COL25A1: variants seen among roughly 807,000 people sequenced by gnomAD.
COL25A1 encodes the protein collagen type XXV alpha 1 chain.
COL25A1 carries 103 observed loss-of-function variants against 128.4 expected under a neutral mutation model. That is an observed-to-expected ratio of 0.80 (90% CI 0.68 to 0.94). COL25A1 has a LOEUF of 0.94. Ranked by LOEUF, COL25A1 falls within the 40% of genes least tolerant of loss-of-function variation. The pLI, the probability that COL25A1 is intolerant of heterozygous loss-of-function variation, is 0.00. For synonymous variants in COL25A1, 279 were observed against 277.2 expected (o/e 1.01, Z -0.06); for missense variants, 745 against 840.0 (o/e 0.89, Z 1.40).
chr4:109,181,194 T>C (rs1223878927), intron 3 of COL25A1, among the ~76,000 whole-genome samples: 4 of 152,166 alleles, frequency 2.6e-5, no homozygotes, highest in Non-Finnish European at 5.9e-5. Context: ...TCTAGAATTT[T>C]ATATGTATAT....
Position 108,913,261 on chromosome 4 carries a change from CTTTTTTTTTT to C in COL25A1, c.780+4901_780+4910del, listed in dbSNP as rs201929872. On this transcript the variant is annotated intron_variant, in intron 13 of 37. Coordinates refer to ENST00000399132, the MANE Select transcript of COL25A1 (RefSeq NM_198721.4). ...TTTGTGTGGTCTCTGTCTCTAGCTC[CTTTTTTTTTT>C]TTTTTTTTTTTTAAGACGGAGTTTT... Among the ~76,000 whole-genome samples the C allele has an allele frequency of 6.5e-5, 6 of 92,422 alleles. No individual in the cohort carries two copies. In the East Asian group the frequency reaches 3.3e-3, roughly 51 times the overall value. 60.6% of individuals were successfully genotyped at this position (92,422 alleles called of 152,430 possible). A position where few individuals can be genotyped will look rare whatever the true frequency, so the allele number is the denominator to read the frequency against.
chr4:108,959,498 C>T (rs1750432978), intron 8 of COL25A1, among the ~76,000 whole-genome samples: 1 of 152,042 alleles, frequency 6.6e-6, no homozygotes, highest in Non-Finnish European at 1.5e-5. Flanking sequence ...ATTCCTTTTC[C>T]CCACTACAAC....
intron 3 of COL25A1, among the ~76,000 whole-genome samples, chr4:109,246,016 CAAAAAA>C (rs772260651): frequency 3.0e-5 from 2 of 65,670 alleles, no homozygotes; most frequent in African/African-American, 5.0e-5. Flanking sequence ...TGTTAAAAAG[CAAAAAA>C]AAAAAAAAAA....
chr4:108,957,938 T>C (rs1365412290), intron 8 of COL25A1, among the ~76,000 whole-genome samples: 1 of 152,174 alleles, frequency 6.6e-6, no homozygotes, highest in African/African-American at 2.4e-5. Context: ...ATGTGACCTC[T>C]TATATTACCC....
chr4:108,964,041 T>C (rs943464782), intron 8 of COL25A1, among the ~76,000 whole-genome samples: 3 of 150,624 alleles, frequency 2.0e-5, no homozygotes, highest in East Asian at 1.9e-4. Context: ...CATATGTAAA[T>C]AATATCATAA....
intron 6 of COL25A1, among the ~76,000 whole-genome samples, chr4:109,003,662 G>T (rs558633751): frequency 6.6e-6 from 1 of 152,102 alleles, no homozygotes; most frequent in Non-Finnish European, 1.5e-5. Context: ...GTAGCCTGGC[G>T]TGGTGGCGGA....
In COL25A1 at chr4:109,119,321, T is replaced by C; in HGVS notation, c.368-69142A>G. Among the ~76,000 whole-genome samples the C allele has an allele frequency of 1.3e-5, 2 of 151,620 alleles. 1 individual carries two copies. Among genetic ancestry groups the C allele is most frequent in the South Asian group, 4.2e-4 (2 of 4,818 alleles). ...GGAAACTAAAAAAGAACAAATTAAA[T>C]CCAGAATAAGCAGAATAAAAGAAAT... On this transcript the variant is annotated intron_variant, in intron 3 of 37. Transcript: ENST00000399132.
intron 5 of COL25A1, among the ~76,000 whole-genome samples, chr4:109,011,003 C>A (rs767337172): frequency 8.5e-5 from 13 of 152,120 alleles, no homozygotes; most frequent in Non-Finnish European, 1.6e-4. Context: ...GATTATGTGA[C>A]CTCTGTCCAA....
At chr4:108,814,780 CTTAAAA>C (rs1731096797) in intron 37 of COL25A1, among the ~76,000 whole-genome samples, 1 of 152,136 alleles carries the variant, frequency 6.6e-6, no homozygotes, top group South Asian at 2.1e-4. Flanking sequence ...GTTTGCTTGA[CTTAAAA>C]TTCAAATTGT....
At chr4:109,186,471 T>C (rs2057817) in intron 3 of COL25A1, among the ~76,000 whole-genome samples, 100,959 of 152,144 alleles carry the variant, frequency 0.66, 33,803 homozygotes, top group East Asian at 0.75. Flanking sequence ...TTGCTTGTGA[T>C]CTCATCAATT....
chr4:109,254,473 A>AT (rs1780921512), intron 3 of COL25A1, among the ~76,000 whole-genome samples: 1 of 86,380 alleles, frequency 1.2e-5, no homozygotes, highest in Non-Finnish European at 1.9e-5. Context: ...ATATGTTTAT[A>AT]TATATATATA....
intron 8 of COL25A1, among the ~76,000 whole-genome samples, chr4:108,955,714 C>G (rs1895745): frequency 0.76 from 115,275 of 152,006 alleles, 44,276 homozygotes; most frequent in East Asian, 1. Flanking sequence ...GATTCAGACA[C>G]AGAAGCATAA....
chr4:109,141,310 T>C (rs1770380623), intron 3 of COL25A1, among the ~76,000 whole-genome samples: 1 of 152,202 alleles, frequency 6.6e-6, no homozygotes, highest in Admixed American at 6.5e-5. Flanking sequence ...ATAAGCTTTT[T>C]GATGTGCTGC....
At chr4:108,834,038 T>C (rs1312542418) in intron 31 of COL25A1, among the ~76,000 whole-genome samples, 1 of 152,210 alleles carries the variant, frequency 6.6e-6, no homozygotes, top group South Asian at 2.1e-4. Flanking sequence ...CTATTGGTTC[T>C]GGAAAAATTC....
chr4:108,850,067 A>T (rs1461010627), intron 26 of COL25A1, among the ~76,000 whole-genome samples: 1 of 152,176 alleles, frequency 6.6e-6, no homozygotes, highest in South Asian at 2.1e-4. Context: ...TTTCATTCAG[A>T]GTCTGAATAC....
At chr4:108,899,825 C>G (rs1742608168) in intron 14 of COL25A1, among the ~76,000 whole-genome samples, 1 of 151,994 alleles carries the variant, frequency 6.6e-6, no homozygotes, top group South Asian at 2.1e-4. Context: ...TGTCCTTATT[C>G]AAAATGATGA....
chr4:109,080,615 TA>T (rs933793114), intron 3 of COL25A1, among the ~76,000 whole-genome samples: 26 of 152,308 alleles, frequency 1.7e-4, no homozygotes, highest in Admixed American at 7.8e-4. Context: ...TGAGCAGTGA[TA>T]TTTTTTATGT....
chr4:108,842,731 T>A (rs573868819), intron 30 of COL25A1, among the ~76,000 whole-genome samples: 1 of 152,338 alleles, frequency 6.6e-6, no homozygotes, highest in Non-Finnish European at 1.5e-5. Context: ...ATTAATTTTA[T>A]GATATGAACA....
At chr4:109,189,547 C>CAAA (rs33989375) in intron 3 of COL25A1, among the ~76,000 whole-genome samples, 922 of 53,482 alleles carry the variant, frequency 0.017, 19 homozygotes, top group Non-Finnish European at 0.029. Context: ...GACTCCATCT[C>CAAA]AAAAAAAAAA....
Sources: allele counts gnomAD v4.1 joint callset (sites outside exome capture counted in the v4.1 genomes callset), GRCh38; gene constraint gnomAD v4.1.1; transcripts MANE v1.5; gene names NCBI Gene and HGNC (gene_info 2026-07-23, HGNC 2026-07-21).